The following ANKS1B variants were observed in gnomAD, a reference collection of about 807,000 sequenced individuals.
The protein encoded by ANKS1B is ankyrin repeat and sterile alpha motif domain containing 1B.
A neutral mutation model predicts 148.3 loss-of-function variants in ANKS1B; 36 were observed. The observed-to-expected ratio is 0.24, with a 90% CI of 0.19 to 0.32. ANKS1B has a LOEUF of 0.32. ANKS1B is among the 10% of genes least tolerant of loss of function. The pLI, the probability that ANKS1B is intolerant of heterozygous loss-of-function variation, is 1.00. For missense variants in ANKS1B, 1,157 were observed against 1,542.6 expected, an observed-to-expected ratio of 0.75 and a Z score of 4.19; for synonymous variants, 542 against 560.8, an observed-to-expected ratio of 0.97 and a Z score of 0.47.
At chr12:99,554,798 G>A (rs1400908027) in intron 9 of ANKS1B, among the ~76,000 whole-genome samples, 1 of 152,138 alleles carries the variant, frequency 6.6e-6, no homozygotes, top group Non-Finnish European at 1.5e-5. Flanking sequence ...TTGTCATCCA[G>A]GTAGTGAACT....
At position 99,093,202 on chromosome 12, in the gene ANKS1B, G is replaced by C. The variant is rs78959499; in HGVS notation, c.2527-8179C>G. Among the ~76,000 whole-genome samples the C allele has an allele frequency of 7.0e-4, 106 of 152,242 alleles. 3 individuals carry two copies. The East Asian group carries it at 0.02, about 29-fold the overall frequency. ...ACTGCCAGAGTTTCTCCAACACATT[G>C]AATTTCACATAAATTATTTATCTTC... On this transcript the variant is annotated intron_variant, in intron 15 of 26. Coordinates refer to ENST00000683438, the MANE Select transcript of ANKS1B (RefSeq NM_001352186.2).
chr12:99,456,767 G>T (rs1253917809), intron 10 of ANKS1B, among the ~76,000 whole-genome samples: 1 of 151,890 alleles, frequency 6.6e-6, no homozygotes, highest in Non-Finnish European at 1.5e-5. Context: ...AGAAAATTTG[G>T]GATTATATTA....
intron 12 of ANKS1B, among the ~76,000 whole-genome samples, chr12:99,261,714 T>C (rs2075941107): frequency 6.6e-6 from 1 of 152,132 alleles, no homozygotes; most frequent in Non-Finnish European, 1.5e-5. Flanking sequence ...AGCAGCCTCC[T>C]AACCATCTCC....
rs547387561 is a variant in ANKS1B, at chr12:99,903,898, T to TA, written c.135-78510dup. Among the ~76,000 whole-genome samples the TA allele has an allele frequency of 1.4e-3, 217 of 151,076 alleles. 1 individual carries two copies. Among genetic ancestry groups the TA allele is most frequent in the African/African-American group, 5.1e-3 (209 of 41,168 alleles). ...CAATAACTTATAGAAAAATTAAAAA[T>TA]AAAAAAAAATAAAAAGTTGCCAAGT... On this transcript the variant is annotated intron_variant, in intron 1 of 26. Transcript: ENST00000683438.
chr12:99,252,640 C>T (rs1267322410), intron 12 of ANKS1B, among the ~76,000 whole-genome samples: 1 of 152,166 alleles, frequency 6.6e-6, no homozygotes, highest in African/African-American at 2.4e-5. Flanking sequence ...ATGGCACCTA[C>T]AAGCCATGGA....
chr12:99,171,656 A>T (rs531740496), intron 14 of ANKS1B, among the ~76,000 whole-genome samples: 6 of 152,356 alleles, frequency 3.9e-5, no homozygotes, highest in Non-Finnish European at 7.3e-5. Context: ...GGTCTAAAAT[A>T]GGAAATGAAA....
chr12:98,904,771 AAG>A (rs2099776700), intron 17 of ANKS1B, among the ~76,000 whole-genome samples: 1 of 152,228 alleles, frequency 6.6e-6, no homozygotes, highest in African/African-American at 2.4e-5. Flanking sequence ...AGGAATGGGA[AAG>A]AGGGAGAAAG....
At chr12:99,058,231 CTT>C (rs1032294121) in intron 16 of ANKS1B, among the ~76,000 whole-genome samples, 36 of 124,592 alleles carry the variant, frequency 2.9e-4, no homozygotes, top group Admixed American at 2.5e-4. Context: ...CATGCCACAT[CTT>C]TTTTTTTTTT....
chr12:98,894,770 C>T lies in ANKS1B; in HGVS notation c.2779-62634G>A, dbSNP rs913015517. ...TCTTTCTGGGCGCCCCCAGCGAATG[C>T]GAGCGGCGAGGCGAGGGCGAGCGCG... On this transcript the variant is annotated intron_variant, in intron 17 of 26. Transcript: ENST00000683438. 6.1e-6 allele frequency: 6 copies of T among 985,248 alleles called. No individual in the cohort carries two copies. The African/African-American group carries it at 7.0e-5, about 11-fold the overall frequency. 61.0% of individuals were successfully genotyped at this position (985,248 alleles called of 1,614,324 possible).
chr12:99,076,499 A>G (rs1321197681), intron 16 of ANKS1B, among the ~76,000 whole-genome samples: 2 of 152,212 alleles, frequency 1.3e-5, no homozygotes, highest in African/African-American at 2.4e-5. Context: ...CATATTCAAT[A>G]AACACCTGTC....
At chr12:99,855,867 A>G (rs1484287843) in intron 1 of ANKS1B, among the ~76,000 whole-genome samples, 1 of 152,158 alleles carries the variant, frequency 6.6e-6, no homozygotes, top group Non-Finnish European at 1.5e-5. Context: ...GAACTGAATG[A>G]TAACAGTGAC....
chr12:99,296,188 T>C (rs1019386507), intron 12 of ANKS1B, among the ~76,000 whole-genome samples: 1 of 152,196 alleles, frequency 6.6e-6, no homozygotes, highest in Admixed American at 6.5e-5. Flanking sequence ...GTTTCATTGA[T>C]CTATTTATTT....
chr12:99,923,393 C>T (rs2094411028), intron 1 of ANKS1B, among the ~76,000 whole-genome samples: 1 of 152,106 alleles, frequency 6.6e-6, no homozygotes, highest in African/African-American at 2.4e-5. Context: ...ACGGGAGGAT[C>T]CCAAGATAAA....
At chr12:99,494,312 G>A (rs1051918142) in intron 10 of ANKS1B, among the ~76,000 whole-genome samples, 6 of 152,262 alleles carry the variant, frequency 3.9e-5, no homozygotes, top group Non-Finnish European at 7.4e-5. Context: ...TTGAGAGCAC[G>A]GGAATAAAGA....
At chr12:99,134,721 T>C (rs1402789533) in intron 15 of ANKS1B, among the ~76,000 whole-genome samples, 1 of 144,022 alleles carries the variant, frequency 6.9e-6, no homozygotes, top group African/African-American at 2.6e-5. Context: ...CCCTCCATTC[T>C]CAGGTCAAAA....
intron 8 of ANKS1B, among the ~76,000 whole-genome samples, chr12:99,707,687 G>T (rs1258338435): frequency 6.6e-6 from 1 of 152,056 alleles, no homozygotes; most frequent in Admixed American, 6.6e-5. Context: ...TGTACAGAAA[G>T]AAAGGGCAGC....
chr12:99,275,569 C>T (rs1009626315), intron 12 of ANKS1B, among the ~76,000 whole-genome samples: 8 of 152,192 alleles, frequency 5.3e-5, no homozygotes. Context: ...ATATGCACCA[C>T]ATTTTGTTTA....
intron 8 of ANKS1B, among the ~76,000 whole-genome samples, chr12:99,731,196 G>A (rs1444740444): frequency 3.3e-5 from 5 of 152,226 alleles, no homozygotes; most frequent in South Asian, 2.1e-4. Context: ...TCGGCTCACC[G>A]CAACCTCCGC....
At chr12:99,414,117 AC>A (rs1435953301) in intron 11 of ANKS1B, among the ~76,000 whole-genome samples, 1 of 144,500 alleles carries the variant, frequency 6.9e-6, no homozygotes, top group East Asian at 2.0e-4. Context: ...GAGCAGTTAT[AC>A]TTTTTTTTTT....
Sources: gnomAD v4.1 joint callset for allele counts (sites outside exome capture counted in the v4.1 genomes callset) on GRCh38, gnomAD v4.1.1 for gene constraint, MANE v1.5 for transcripts, NCBI Gene and HGNC (gene_info 2026-07-23, HGNC 2026-07-21) for gene names.